ANKS6: variants seen among roughly 807,000 people sequenced by gnomAD.
The protein encoded by ANKS6 is ankyrin repeat and SAM domain-containing protein 6.
ANKS6 carries 47 observed loss-of-function variants against 77.9 expected under a neutral mutation model. The ratio of observed to expected loss-of-function variants is 0.60; its 90% CI spans 0.48 to 0.77. The LOEUF (loss-of-function observed/expected upper bound fraction) is 0.77, where lower values mean the gene tolerates loss of function less well. Ranked by LOEUF, ANKS6 falls within the 30% of genes least tolerant of loss-of-function variation. The pLI is 0.00. For missense variants in ANKS6, 1,150 were observed against 1,159.1 expected (o/e 0.99, Z 0.11); for synonymous variants, 488 against 501.7 (o/e 0.97, Z 0.37).
intron 13 of ANKS6, among the ~76,000 whole-genome samples, chr9:98,746,265 C>T (rs895549256): frequency 9.2e-5 from 14 of 152,156 alleles, no homozygotes; most frequent in Non-Finnish European, 4.4e-5. Context: ...GAAATCAGGC[C>T]CTCTGCTCCA....
chr9:98,795,975 A>ATGCTCAAAGTTTACAAAAGAC (rs1588429603), intron 1 of ANKS6, 158 bp downstream of exon 1: 1 of 747,642 alleles, frequency 1.3e-6, no homozygotes, highest in East Asian at 3.5e-5. Flanking sequence ...TTCCACGTCT[A>ATGCTCAAAGTTTACAAAAGAC]TGCTCAAAGT....
Position 98,784,016 on chromosome 9 carries a change from G to T in ANKS6, c.1049C>A (p.Ala350Glu). 1 of 1,610,764 alleles carries T rather than the reference G, an allele frequency of 6.2e-7. No individual in the cohort carries two copies. Among genetic ancestry groups the T allele is most frequent in the Non-Finnish European group, 8.5e-7 (1 of 1,179,236 alleles). Reference sequence around the variant, plus strand: ...CACGCTGTCCTGCTTGTCAACATCCGCGTGCCTCTCCACCAGCAGCTGCAC... The same window carrying T: ...CACGCTGTCCTGCTTGTCAACATCCTCGTGCCTCTCCACCAGCAGCTGCAC... ...ALVQLLVERH[A>E]DVDKQDSVHG... Residue 350 changes from alanine to glutamate, a missense_variant, in exon 4 of 15, where the codon GCG (alanine) becomes GAG (glutamate). Transcript: ENST00000353234.
intron 11 of ANKS6, 88 bp downstream of exon 11, chr9:98,767,993 T>G: frequency 6.7e-7 from 1 of 1,486,272 alleles, no homozygotes; most frequent in South Asian, 1.3e-5. Flanking sequence ...GTCCCATGAC[T>G]AAGGCACTGC....
intron 11 of ANKS6, among the ~76,000 whole-genome samples, chr9:98,759,847 A>T (rs1288930496): frequency 6.6e-6 from 1 of 152,188 alleles, no homozygotes; most frequent in Non-Finnish European, 1.5e-5. Flanking sequence ...GAAGGGAGAG[A>T]CAGGAAGAGA....
At position 98,778,330 on chromosome 9, in the gene ANKS6, G is replaced by C. The variant is rs1834031732; in HGVS notation, c.1463C>G (p.Ser488Cys). 6.2e-7 allele frequency: 1 copy of C among 1,614,188 alleles called. No individual in the cohort carries two copies. The highest frequency in any genetic ancestry group is 8.5e-7 in the Non-Finnish European group (1 of 1,180,036). The change falls in exon 7 of 15, where the codon TCT becomes TGT. Residue 488 changes from serine to cysteine, a missense_variant. Transcript: ENST00000353234. ...GTCCAGAGCTGGCTCAGGCTCGTCA[G>C]AGAAAGGCAAAGGCTGGTTGCTGGA... The part of the protein sequence containing the change: ...GLSSNQPLPF[S>C]DEPEPALDST...
chr9:98,765,598 C>T (rs2117993551), intron 11 of ANKS6, among the ~76,000 whole-genome samples: 1 of 152,204 alleles, frequency 6.6e-6, no homozygotes, highest in Admixed American at 6.5e-5. Context: ...AAACTGCTGA[C>T]CCACAGACAC....
At chr9:98,777,957 G>C (rs192357193) in intron 7 of ANKS6, among the ~76,000 whole-genome samples, 1 of 152,288 alleles carries the variant, frequency 6.6e-6, no homozygotes, top group African/African-American at 2.4e-5. Context: ...AAAGGCAAGA[G>C]AGAGGACGAC....
Position 98,765,328 on chromosome 9 carries a change from C to T in ANKS6, c.2142+2753G>A, listed in dbSNP as rs556512480. On this transcript the variant is annotated intron_variant, in intron 11 of 14. Coordinates refer to ENST00000353234, the MANE Select transcript of ANKS6 (RefSeq NM_173551.5). ...GAAATATTTGAATTGTTCTCAATAT[C>T]CGTTGAGTGGTAGGCTGATTGTGTT... Among the ~76,000 whole-genome samples the T allele has an allele frequency of 3.9e-5, 6 of 152,304 alleles. No homozygotes were observed. In the South Asian group the frequency reaches 1.0e-3, roughly 26 times the overall value.
At position 98,778,338 on chromosome 9, in the gene ANKS6, C is replaced by T; in HGVS notation, c.1455G>A (p.Leu485=). 6.2e-7 allele frequency: 1 copy of T among 1,614,178 alleles called. No individual in the cohort carries two copies. Among genetic ancestry groups the T allele is most frequent in the Non-Finnish European group, 8.5e-7 (1 of 1,180,042 alleles). The change falls in exon 7 of 15, where the codon TTG becomes TTA. Residue 485 remains leucine, a synonymous_variant. Coordinates refer to ENST00000353234, the MANE Select transcript of ANKS6 (RefSeq NM_173551.5). ...CTGGCTCAGGCTCGTCAGAGAAAGG[C>T]AAAGGCTGGTTGCTGGACAGCCCAC... The part of the protein sequence containing the change: ...LPRGLSSNQP[L]PFSDEPEPAL...
intron 13 of ANKS6, among the ~76,000 whole-genome samples, chr9:98,747,812 C>T (rs143774197): frequency 6.6e-6 from 1 of 152,312 alleles, no homozygotes; most frequent in African/African-American, 2.4e-5. Flanking sequence ...AGGTAACAGA[C>T]CTTCCAGCCT....
intron 7 of ANKS6, 97 bp downstream of exon 7, chr9:98,778,129 C>G: frequency 3.5e-6 from 5 of 1,409,216 alleles, no homozygotes; most frequent in Non-Finnish European, 4.8e-6. Context: ...CCAACATCAT[C>G]TTACCCCTGA....
At chr9:98,757,353 C>T (rs1285326772) in intron 11 of ANKS6, among the ~76,000 whole-genome samples, 1 of 152,212 alleles carries the variant, frequency 6.6e-6, no homozygotes, top group African/African-American at 2.4e-5. Flanking sequence ...GTAGGCTCCT[C>T]TGACCTGTGA....
At position 98,791,320 on chromosome 9, in the gene ANKS6, G is replaced by T. The variant is rs1834892328; in HGVS notation, c.360-714C>A. On this transcript the variant is annotated intron_variant, in intron 1 of 14. Transcript: ENST00000353234. The surrounding 1 kb of genome is among the most constrained non-coding windows in gnomAD (Gnocchi z 4.3). ...GTGGTCAGCAGATAGGCTGGGCATT[G>T]CGGCCTGGAGGCCTGCTGCCACCTG... 6.6e-6 allele frequency among the ~76,000 whole-genome samples: 1 copy of T among 152,226 alleles called. No homozygotes were observed. The highest frequency in any genetic ancestry group is 1.5e-5 in the Non-Finnish European group (1 of 68,042).
At chr9:98,744,173 T>TA (rs1455779204) in intron 14 of ANKS6, among the ~76,000 whole-genome samples, 2 of 152,164 alleles carry the variant, frequency 1.3e-5, no homozygotes, top group African/African-American at 4.8e-5. Flanking sequence ...AAGGAACTAG[T>TA]AAAGACTGGA....
chr9:98,736,362 C>A lies in ANKS6; in HGVS notation c.*157G>T. On this transcript the variant is annotated 3_prime_UTR_variant, in exon 15 of 15. Coordinates refer to ENST00000353234, the MANE Select transcript of ANKS6 (RefSeq NM_173551.5). ...TTGAAGTTTGTTGCAGCAAGAAGTA[C>A]TACCAATGAATGCCGTCGACGTGAA... 7.0e-7 allele frequency: 1 copy of A among 1,428,600 alleles called. No homozygotes were observed. Among genetic ancestry groups the A allele is most frequent in the Middle Eastern group, 2.5e-4 (1 of 3,998 alleles). 88.5% of individuals were successfully genotyped at this position (1,428,600 alleles called of 1,614,324 possible).
intron 14 of ANKS6, among the ~76,000 whole-genome samples, chr9:98,738,984 G>T (rs747496911): frequency 3.3e-5 from 5 of 152,124 alleles, no homozygotes; most frequent in Admixed American, 6.5e-5. Context: ...CTAAGTGAAG[G>T]AGACTATTAT....
In ANKS6 at chr9:98,735,916, G is replaced by A. The variant is rs959513865; in HGVS notation, c.*603C>T. 2.8e-5 allele frequency: 35 copies of A among 1,231,272 alleles called. No individual in the cohort carries two copies. The Admixed American group carries it at 1.4e-3, about 50-fold the overall frequency. The allele number at this position is 1,231,272 out of a possible 1,614,324, so 76.3% of individuals were successfully genotyped here. A position where few individuals can be genotyped will look rare whatever the true frequency, so the allele number is the denominator to read the frequency against. On this transcript the variant is annotated 3_prime_UTR_variant, in exon 15 of 15. Coordinates refer to ENST00000353234, the MANE Select transcript of ANKS6 (RefSeq NM_173551.5). ...AAGGGGGTCAAAAAAGACTTCATCT[G>A]AGAGGTGACTTGGACTAGGAGGGGC...
chr9:98,784,476 G>A (rs1160741258), intron 3 of ANKS6: 10 of 398,732 alleles, frequency 2.5e-5, no homozygotes, highest in East Asian at 4.0e-5. Flanking sequence ...GGTGAGGATC[G>A]GGAAGGGCTT....
chr9:98,780,347 C>T lies in ANKS6; in HGVS notation c.1220-10G>A. 1.9e-6 allele frequency: 3 copies of T among 1,573,264 alleles called. No individual in the cohort carries two copies. The highest frequency in any genetic ancestry group is 2.6e-6 in the Non-Finnish European group (3 of 1,156,974). On this transcript the variant is annotated splice_polypyrimidine_tract_variant and intron_variant, in intron 5 of 14. Coordinates refer to ENST00000353234, the MANE Select transcript of ANKS6 (RefSeq NM_173551.5). ...CGAACAAGTTCCGTGTCTATGGACA[C>T]AAAAGGCATCATTTTACCTGCAAAT...
Sources: gnomAD v4.1 joint callset for allele counts (sites outside exome capture counted in the v4.1 genomes callset) on GRCh38, gnomAD v4.1.1 for gene constraint, Gnocchi (gnomAD v3.1) non-coding constraint, MANE v1.5 for transcripts, NCBI Gene and HGNC (gene_info 2026-07-23, HGNC 2026-07-21) for gene names.